AXDND1: variants seen among roughly 807,000 people sequenced by gnomAD.
The protein encoded by AXDND1 is axonemal dynein light chain domain-containing protein 1.
A neutral mutation model predicts 137.5 loss-of-function variants in AXDND1; 110 were observed. That is an observed-to-expected ratio of 0.80 (90% CI 0.69 to 0.94). The LOEUF (loss-of-function observed/expected upper bound fraction) is 0.94. AXDND1 is among the 40% of genes least tolerant of loss of function. The pLI is 0.00. For synonymous variants in AXDND1, 414 were observed against 399.7 expected (o/e 1.04, Z -0.43); for missense variants, 1,191 against 1,169.8 (o/e 1.02, Z -0.26).
At chr1:179,547,667 C>T (rs1412512644) in intron 25 of AXDND1, among the ~76,000 whole-genome samples, 1 of 152,148 alleles carries the variant, frequency 6.6e-6, no homozygotes, top group African/African-American at 2.4e-5. Context: ...CCCACGAGCA[C>T]CTGACCTGGC....
chr1:179,448,890 A>ATTT, intron 16 of AXDND1: 1 of 156,106 alleles, frequency 6.4e-6, no homozygotes, highest in South Asian at 1.6e-4. Flanking sequence ...TTTTGAGTTA[A>ATTT]TTTTTTTTTT....
intron 15 of AXDND1, among the ~76,000 whole-genome samples, chr1:179,435,388 A>T (rs1374476660): frequency 6.6e-6 from 1 of 152,180 alleles, no homozygotes; most frequent in East Asian, 1.9e-4. Context: ...TTGCTAAGAC[A>T]ATCCTAAGAA....
chr1:179,420,449 C>T (rs1358503933), intron 12 of AXDND1, among the ~76,000 whole-genome samples: 1 of 151,950 alleles, frequency 6.6e-6, no homozygotes, highest in African/African-American at 2.4e-5. Context: ...AGGGTAATGC[C>T]TTATGAGTTT....
intron 6 of AXDND1, among the ~76,000 whole-genome samples, chr1:179,382,141 C>T (rs920251998): frequency 2.0e-5 from 3 of 147,150 alleles, no homozygotes; most frequent in South Asian, 4.4e-4. Flanking sequence ...TGCAGTGGCA[C>T]GATCTCTGCT....
intron 11 of AXDND1, among the ~76,000 whole-genome samples, chr1:179,410,875 A>G (rs1433265230): frequency 1.3e-5 from 2 of 152,188 alleles, no homozygotes; most frequent in African/African-American, 4.8e-5. Context: ...AATAAAGAAT[A>G]AGATGAAAAA....
At chr1:179,390,687 C>CTAGT (rs1553256706) in intron 9 of AXDND1, among the ~76,000 whole-genome samples, 168 of 151,908 alleles carry the variant, frequency 1.1e-3, no homozygotes, top group Non-Finnish European at 2.3e-3. Flanking sequence ...AATTAGGGCT[C>CTAGT]TACAATTTTC....
At chr1:179,552,451 A>G in intron 25 of AXDND1, 1 of 691,528 alleles carries the variant, frequency 1.4e-6, no homozygotes, top group Non-Finnish European at 2.6e-6. Context: ...CTATTAACAC[A>G]CTTTAAGAGA....
At chr1:179,457,174 G>A (rs531290038) in intron 16 of AXDND1, 10 of 777,646 alleles carry the variant, frequency 1.3e-5, no homozygotes, top group African/African-American at 8.4e-5. Flanking sequence ...CAAAGCCCCT[G>A]GAGTGCTTGG....
intron 17 of AXDND1, among the ~76,000 whole-genome samples, chr1:179,480,080 G>A (rs956887485): frequency 7.9e-5 from 12 of 152,110 alleles, no homozygotes; most frequent in African/African-American, 2.9e-4. Context: ...CCTTCAAACT[G>A]TTCCAACCTC....
Position 179,395,106 on chromosome 1 carries a change from G to A in AXDND1, c.1013G>A (p.Cys338Tyr), listed in dbSNP as rs756610033. The A allele has an allele frequency of 1.2e-6, 2 of 1,609,772 alleles. No homozygotes were observed. The highest frequency in any genetic ancestry group is 1.7e-6 in the Non-Finnish European group (2 of 1,178,380). ...HVIEELTRELCLVRAHDVKLT... is the reference protein window; with the variant it reads ...HVIEELTRELYLVRAHDVKLT... ...TCTTTGCTTTATTTCAGGGAACTGT[G>A]TCTAGTTCGGGCACATGATGTGAAA... is the stretch of plus-strand genomic sequence containing the variant. Residue 338 changes from cysteine (C) to tyrosine (Y), a missense_variant, in exon 11 of 26, where the codon TGT (cysteine) becomes TAT (tyrosine). Physicochemically the swap from Cys to Tyr is radical, Grantham distance 194 (BLOSUM62 -2). Coordinates refer to ENST00000367618, the MANE Select transcript of AXDND1 (RefSeq NM_144696.6).
At chr1:179,395,019 A>T in intron 10 of AXDND1, 79 bp from the exon 11 acceptor site, 1 of 1,235,426 alleles carries the variant, frequency 8.1e-7, no homozygotes, top group Non-Finnish European at 1.2e-6. Context: ...AAGATTCCTG[A>T]ATATAAATCT....
At chr1:179,445,793 A>T (rs1159515176) in intron 16 of AXDND1, among the ~76,000 whole-genome samples, 1 of 152,190 alleles carries the variant, frequency 6.6e-6, no homozygotes, top group Non-Finnish European at 1.5e-5. Flanking sequence ...TATTATGAAT[A>T]TTGCTGACAT....
At position 179,511,393 on chromosome 1, in the gene AXDND1, GGTGTGTGTGT is replaced by G. The variant is rs59772845; in HGVS notation, c.2496+2011_2496+2020del. ...TATATACATAGTATATGGTATATGG[GGTGTGTGTGT>G]GTGTGTGTGTGTGTGTGTGTATATG... On this transcript the variant is annotated intron_variant, in intron 21 of 25. Transcript: ENST00000367618. 3.4e-5 allele frequency among the ~76,000 whole-genome samples: 5 copies of G among 145,116 alleles called. 1 individual carries two copies. The East Asian group carries it at 6.1e-4, about 18-fold the overall frequency.
At chr1:179,389,988 C>A (rs1161927740) in intron 9 of AXDND1, among the ~76,000 whole-genome samples, 1 of 151,692 alleles carries the variant, frequency 6.6e-6, no homozygotes, top group Non-Finnish European at 1.5e-5. Context: ...AATCTAGGAC[C>A]TCAGGCTTAG....
chr1:179,434,837 G>A (rs2125326024), intron 15 of AXDND1, among the ~76,000 whole-genome samples: 1 of 152,150 alleles, frequency 6.6e-6, no homozygotes, highest in South Asian at 2.1e-4. Flanking sequence ...GGAAGTTCTG[G>A]CCAGGACAAT....
At chr1:179,489,893 C>A (rs1335385547) in intron 18 of AXDND1, among the ~76,000 whole-genome samples, 2 of 151,892 alleles carry the variant, frequency 1.3e-5, no homozygotes, top group African/African-American at 2.4e-5. Flanking sequence ...TATAGGCGCC[C>A]ACCACCCCGC....
At chr1:179,444,010 G>C (rs79933413) in intron 15 of AXDND1, among the ~76,000 whole-genome samples, 2,665 of 150,366 alleles carry the variant, frequency 0.018, 64 homozygotes, top group African/African-American at 0.06. Flanking sequence ...TCTCAGAATT[G>C]AAGATATTTC....
At chr1:179,449,205 G>C (rs1198909717) in intron 16 of AXDND1, 1 of 439,998 alleles carries the variant, frequency 2.3e-6, no homozygotes, top group Non-Finnish European at 4.5e-6. Context: ...TTTTTATATA[G>C]TGTGTGAGGT....
chr1:179,384,048 A>G (rs1261065625), intron 8 of AXDND1, among the ~76,000 whole-genome samples: 1 of 151,962 alleles, frequency 6.6e-6, no homozygotes, highest in African/African-American at 2.4e-5. Flanking sequence ...TTTATTTTCT[A>G]CTTAAGAAAG....
Sources: gnomAD v4.1 joint callset for allele counts (sites outside exome capture counted in the v4.1 genomes callset) on GRCh38, gnomAD v4.1.1 for gene constraint, MANE v1.5 for transcripts, NCBI Gene and HGNC (gene_info 2026-07-23, HGNC 2026-07-21) for gene names.